The following STK10 variants were observed in gnomAD, a reference collection of about 807,000 sequenced individuals.
STK10 encodes serine/threonine kinase 10, also known as serine/threonine-protein kinase 10.
STK10 carries 78 observed loss-of-function variants against 113.8 expected under a neutral mutation model. The ratio of observed to expected loss-of-function variants is 0.69; its 90% CI spans 0.57 to 0.83. The LOEUF (loss-of-function observed/expected upper bound fraction) is 0.83. STK10 is among the 40% of genes least tolerant of loss of function. The pLI, the probability that STK10 is intolerant of heterozygous loss-of-function variation, is 0.00. For missense variants in STK10, 1,109 were observed against 1,280.1 expected, an observed-to-expected ratio of 0.87 and a Z score of 2.04; for synonymous variants, 465 against 494.7, an observed-to-expected ratio of 0.94 and a Z score of 0.80.
chr5:172,104,107 T>C (rs1299725012), intron 7 of STK10, among the ~76,000 whole-genome samples: 1 of 152,166 alleles, frequency 6.6e-6, no homozygotes, highest in Non-Finnish European at 1.5e-5. Context: ...AAAAGCTGGG[T>C]GAATACAAAG....
In STK10 at chr5:172,122,724, C is replaced by T. The variant is rs562063555; in HGVS notation, c.370+4649G>A. ...CTGCAAGCTCCGCCTCCCAGGTTCA[C>T]GCCATTCTCCTGCCTCAGCCTCCCA... On this transcript the variant is annotated intron_variant, in intron 3 of 18. Transcript: ENST00000176763. 3.1e-3 allele frequency among the ~76,000 whole-genome samples: 474 copies of T among 152,274 alleles called. 2 individuals carry two copies. The highest frequency in any genetic ancestry group is 5.7e-3 in the Non-Finnish European group (390 of 68,024).
At chr5:172,143,143 G>A (rs80129341) in intron 2 of STK10, among the ~76,000 whole-genome samples, 1,928 of 152,328 alleles carry the variant, frequency 0.013, 18 homozygotes, top group Admixed American at 0.021. Context: ...TAGGCGCAGT[G>A]GTTCACGAGT....
chr5:172,129,186 G>A (rs376261842), intron 2 of STK10, among the ~76,000 whole-genome samples: 4 of 152,304 alleles, frequency 2.6e-5, no homozygotes, highest in Admixed American at 6.5e-5. Flanking sequence ...TGGGATGCAC[G>A]AAACCACAGC....
At position 172,093,580 on chromosome 5, in the gene STK10, C is replaced by T. The variant is rs747141597; in HGVS notation, c.1386G>A (p.Gly462=). 2.5e-6 allele frequency: 4 copies of T among 1,614,122 alleles called. No individual in the cohort carries two copies. The highest frequency in any genetic ancestry group is 2.2e-5 in the East Asian group (1 of 44,904). ...PNSSALETLG[G]EKLANGSLEP... The stretch of plus-strand genomic sequence containing the variant: ...CCAGGCTGCCATTGGCCAGCTTCTC[C>T]CCACCCAAGGTCTCCAGGGCGCTGC... Residue 462 remains glycine, a synonymous_variant, in exon 9 of 19, where the codon GGG becomes GGA. Transcript: ENST00000176763. The surrounding 1 kb of genome is among the most constrained non-coding windows in gnomAD (Gnocchi z 4.1).
intron 12 of STK10, among the ~76,000 whole-genome samples, chr5:172,077,262 T>A (rs1199932067): frequency 6.6e-6 from 1 of 152,234 alleles, no homozygotes; most frequent in Non-Finnish European, 1.5e-5. Context: ...TCTTTAGGGA[T>A]CCTTCGAGGG....
intron 4 of STK10, among the ~76,000 whole-genome samples, chr5:172,109,199 T>C (rs190355249): frequency 1.5e-4 from 23 of 152,152 alleles, no homozygotes; most frequent in Admixed American, 9.2e-4. Context: ...AGGGGAAAAA[T>C]ACACACTGAA....
chr5:172,099,078 C>T (rs1431381809), intron 7 of STK10, among the ~76,000 whole-genome samples: 4 of 148,524 alleles, frequency 2.7e-5, no homozygotes, highest in Non-Finnish European at 5.9e-5. Flanking sequence ...TCATTATCAA[C>T]ATCATCATCA....
At chr5:172,076,800 C>T (rs990507413) in intron 12 of STK10, among the ~76,000 whole-genome samples, 1 of 152,170 alleles carries the variant, frequency 6.6e-6, no homozygotes, top group Admixed American at 6.5e-5. Context: ...AAATGCCTTT[C>T]GACAGCACCA....
intron 4 of STK10, 200 bp from the exon 5 acceptor site, chr5:172,108,052 A>G: frequency 2.0e-6 from 1 of 500,500 alleles, no homozygotes; most frequent in Non-Finnish European, 3.6e-6. Context: ...TACTAACGAG[A>G]GCCTGCACTG....
At chr5:172,089,256 T>C (rs1768634116) in intron 10 of STK10, among the ~76,000 whole-genome samples, 1 of 152,224 alleles carries the variant, frequency 6.6e-6, no homozygotes. Context: ...CACCTGTTAC[T>C]TGTTTCATGG....
rs1770334646 is a variant in STK10 at position 172,155,707 on chromosome 5, GA to G, written c.321+916del. Among the ~76,000 whole-genome samples, 7 of 151,852 alleles carry G rather than the reference GA, an allele frequency of 4.6e-5. No individual in the cohort carries two copies. In the South Asian group the frequency reaches 1.5e-3, roughly 32 times the overall value. ...TGGAAGAATTAGAAAAAAAAAAAAT[GA>G]AGAGGACTGGGCATGGTGGCTAACA... On this transcript the variant is annotated intron_variant, in intron 2 of 18. Transcript: ENST00000176763.
chr5:172,182,842 G>C (rs553290568), intron 1 of STK10, among the ~76,000 whole-genome samples: 1 of 151,894 alleles, frequency 6.6e-6, no homozygotes, highest in Non-Finnish European at 1.5e-5. Context: ...GTGAGCCACC[G>C]CGCCCGGCCA....
Position 172,044,557 on chromosome 5 carries a change from C to T in STK10, c.*325G>A, listed in dbSNP as rs948820076. 4 of 381,576 alleles carry T rather than the reference C, an allele frequency of 1.0e-5. No individual in the cohort carries two copies. Among genetic ancestry groups the T allele is most frequent in the Non-Finnish European group, 2.0e-5 (4 of 204,250 alleles). The allele number at this position is 381,576 out of a possible 1,614,324, so 23.6% of individuals were successfully genotyped here. A position where few individuals can be genotyped will look rare whatever the true frequency, so the allele number is the denominator to read the frequency against. On this transcript the variant is annotated 3_prime_UTR_variant, in exon 19 of 19. Transcript: ENST00000176763. This position sits in a 1 kb window ranked among gnomAD's most constrained non-coding sequence, Gnocchi z 4.5. ...GTATTTTCGCAAACAGGAGAGGACT[C>T]GAGGCCACAGAACACCCATTCCTCT...
intron 1 of STK10, among the ~76,000 whole-genome samples, chr5:172,171,846 T>C (rs1770669981): frequency 6.6e-6 from 1 of 152,124 alleles, no homozygotes; most frequent in Non-Finnish European, 1.5e-5. Context: ...TTTACAAAAT[T>C]GGGATTAAAC....
At chr5:172,057,004 G>GAGAGAGAAA (rs1554115578) in intron 15 of STK10, 1 of 73,394 alleles carries the variant, frequency 1.4e-5, no homozygotes, top group African/African-American at 5.1e-5. Flanking sequence ...AGAGAAAGAA[G>GAGAGAGAAA]GAAAGAAAGA....
intron 2 of STK10, among the ~76,000 whole-genome samples, chr5:172,129,593 C>T (rs947269919): frequency 6.6e-6 from 1 of 152,172 alleles, no homozygotes; most frequent in African/African-American, 2.4e-5. Context: ...TCCCTCTTAC[C>T]CAACCACCAC....
intron 2 of STK10, among the ~76,000 whole-genome samples, chr5:172,140,095 A>C (rs557071784): frequency 2.6e-5 from 4 of 151,402 alleles, no homozygotes; most frequent in Admixed American, 2.0e-4. Flanking sequence ...TGCAAAAAAA[A>C]CCCTAATATC....
chr5:172,135,976 G>A (rs1188467896), intron 2 of STK10, among the ~76,000 whole-genome samples: 1 of 149,664 alleles, frequency 6.7e-6, no homozygotes, highest in South Asian at 2.1e-4. Flanking sequence ...GCAGTGAGCC[G>A]AGATCACACC....
At chr5:172,150,744 C>G (rs946089056) in intron 2 of STK10, among the ~76,000 whole-genome samples, 3 of 152,202 alleles carry the variant, frequency 2.0e-5, no homozygotes, top group Non-Finnish European at 2.9e-5. Context: ...ATGTGGACAG[C>G]AGGCTCATCC....
Sources: allele counts gnomAD v4.1 joint callset (sites outside exome capture counted in the v4.1 genomes callset), GRCh38; gene constraint gnomAD v4.1.1; non-coding constraint Gnocchi (gnomAD v3.1); transcripts MANE v1.5; gene names NCBI Gene and HGNC (gene_info 2026-07-23, HGNC 2026-07-21).